EPG5: variants seen among roughly 807,000 people sequenced by gnomAD.
EPG5 encodes ectopic P granules protein 5 homolog.
Under a neutral mutation model 302.7 loss-of-function variants are expected in EPG5, and 159 were observed. The observed-to-expected ratio is 0.53, with a 90% CI of 0.46 to 0.60. EPG5 has a LOEUF of 0.60. Ranked by LOEUF, EPG5 falls within the 20% of genes least tolerant of loss-of-function variation. EPG5 has a pLI of 0.00. For missense variants in EPG5, 2,896 were observed against 3,092.4 expected (o/e 0.94, Z 1.51); for synonymous variants, 1,158 against 1,136.8 (o/e 1.02, Z -0.37).
At chr18:45,884,071 T>A (rs1182767637) in intron 30 of EPG5, among the ~76,000 whole-genome samples, 2 of 152,106 alleles carry the variant, frequency 1.3e-5, no homozygotes, top group Admixed American at 1.3e-4. Context: ...TAAAAAAGGA[T>A]GTACTAAACT....
intron 12 of EPG5, among the ~76,000 whole-genome samples, chr18:45,929,637 C>A (rs966335251): frequency 6.6e-6 from 1 of 152,190 alleles, no homozygotes; most frequent in African/African-American, 2.4e-5. Flanking sequence ...TTTATTGTGA[C>A]TCCTGGTCAA....
rs1208138645 is a variant in EPG5 at position 45,943,989 on chromosome 18, A to C, written c.1792+16T>G. Reference sequence around the variant, plus strand: ...TTGCCACTACCACATTTTACACTTAAGAGAAATGAGTCTACCTTTTGCTTT... The same window carrying C: ...TTGCCACTACCACATTTTACACTTACGAGAAATGAGTCTACCTTTTGCTTT... On this transcript the variant is annotated intron_variant, in intron 8 of 43. Transcript: ENST00000282041. 6.6e-7 allele frequency: 1 copy of C among 1,519,730 alleles called. No homozygotes were observed. Among genetic ancestry groups the C allele is most frequent in the Non-Finnish European group, 9.1e-7 (1 of 1,094,072 alleles). 94.1% of individuals were successfully genotyped at this position (1,519,730 alleles called of 1,614,324 possible). A position where few individuals can be genotyped will look rare whatever the true frequency, so the allele number is the denominator to read the frequency against.
At chr18:45,959,892 T>C (rs891774430) in intron 1 of EPG5, among the ~76,000 whole-genome samples, 1 of 152,102 alleles carries the variant, frequency 6.6e-6, no homozygotes, top group Non-Finnish European at 1.5e-5. Flanking sequence ...AGCAAGAGAA[T>C]CACTTGAATC....
At chr18:45,906,936 G>A (rs1269882269) in intron 24 of EPG5, among the ~76,000 whole-genome samples, 1 of 152,220 alleles carries the variant, frequency 6.6e-6, no homozygotes, top group Non-Finnish European at 1.5e-5. Context: ...GATTACAGGC[G>A]TGGGCCATGC....
At chr18:45,883,369 G>A (rs2049142321) in intron 30 of EPG5, among the ~76,000 whole-genome samples, 1 of 151,668 alleles carries the variant, frequency 6.6e-6, no homozygotes, top group African/African-American at 2.4e-5. Flanking sequence ...TCAGACTGTT[G>A]ATATTCCCTT....
intron 35 of EPG5, among the ~76,000 whole-genome samples, chr18:45,873,794 G>A (rs1294132826): frequency 1.3e-5 from 2 of 152,060 alleles, no homozygotes; most frequent in Non-Finnish European, 2.9e-5. Flanking sequence ...CCTCTTCAAG[G>A]TAAGATAAGA....
At chr18:45,820,807 T>C in the EPG5 span, among the ~76,000 whole-genome samples, 2 of 152,226 alleles carry the variant, frequency 1.3e-5, no homozygotes, top group African/African-American at 4.8e-5. Context: ...GTGCAGGTTA[T>C]ATACCACATG....
chr18:45,964,872 GAAGCCA>G (rs1395049212), intron 1 of EPG5, among the ~76,000 whole-genome samples: 1 of 152,170 alleles, frequency 6.6e-6, no homozygotes. Context: ...AGAATTGCTT[GAAGCCA>G]GGTGGCAGAC....
the EPG5 span, among the ~76,000 whole-genome samples, chr18:45,833,056 C>T: frequency 6.6e-6 from 1 of 152,120 alleles, no homozygotes; most frequent in Non-Finnish European, 1.5e-5. Context: ...CAAAGCCCAC[C>T]CAGGGAGGGA....
the EPG5 span, among the ~76,000 whole-genome samples, chr18:45,830,951 G>A: frequency 1.3e-5 from 2 of 152,036 alleles, no homozygotes; most frequent in African/African-American, 2.4e-5. Flanking sequence ...TTTTATCCAA[G>A]TATCATTTTC....
intron 1 of EPG5, among the ~76,000 whole-genome samples, chr18:45,965,463 G>GA (rs1038769823): frequency 1.0e-4 from 15 of 150,630 alleles, no homozygotes; most frequent in East Asian, 3.9e-4. Flanking sequence ...AAGTTGGAAA[G>GA]AAAAAAAAAG....
intron 11 of EPG5, among the ~76,000 whole-genome samples, chr18:45,932,892 G>C (rs1266950309): frequency 2.0e-5 from 3 of 152,140 alleles, no homozygotes; most frequent in Non-Finnish European, 2.9e-5. Flanking sequence ...GGCAAGGCTG[G>C]TACTGCCACT....
chr18:45,907,000 G>C (rs756884444), intron 24 of EPG5, among the ~76,000 whole-genome samples: 1 of 152,166 alleles, frequency 6.6e-6, no homozygotes, highest in African/African-American at 2.4e-5. Context: ...TTAGTCTCCT[G>C]TTGGCCAATA....
the EPG5 span, chr18:45,825,666 A>C: frequency 4.5e-6 from 7 of 1,548,368 alleles, no homozygotes; most frequent in Non-Finnish European, 6.2e-6. Context: ...CACGCCTGGG[A>C]GGGCCCTCAC....
chr18:45,802,500 A>G, the EPG5 span, among the ~76,000 whole-genome samples: 1 of 152,152 alleles, frequency 6.6e-6, no homozygotes, highest in Non-Finnish European at 1.5e-5. Flanking sequence ...AGCCTGGGCG[A>G]CAGAGCAAGA....
At chr18:45,943,748 C>T (rs1339683721) in intron 8 of EPG5, among the ~76,000 whole-genome samples, 4 of 152,156 alleles carry the variant, frequency 2.6e-5, no homozygotes, top group Admixed American at 1.3e-4. Flanking sequence ...GGTGAAACCC[C>T]GTCTCTACTA....
the EPG5 span, among the ~76,000 whole-genome samples, chr18:45,821,865 G>A: frequency 1.3e-5 from 2 of 152,214 alleles, no homozygotes; most frequent in South Asian, 2.1e-4. Flanking sequence ...AATGCTTGAC[G>A]TCACTAATCA....
intron 12 of EPG5, among the ~76,000 whole-genome samples, chr18:45,929,274 G>C (rs558324323): frequency 2.6e-5 from 4 of 152,024 alleles, no homozygotes; most frequent in Non-Finnish European, 5.9e-5. Flanking sequence ...AAAGTCTGTC[G>C]GTAACAATAA....
chr18:45,845,344 G>A (rs2048355039), downstream of EPG5, among the ~76,000 whole-genome samples: 1 of 152,200 alleles, frequency 6.6e-6, no homozygotes, highest in Non-Finnish European at 1.5e-5. Context: ...CGGCCAGCTG[G>A]CACCCCCTTT....
Sources: gnomAD v4.1 joint callset for allele counts (sites outside exome capture counted in the v4.1 genomes callset) on GRCh38, gnomAD v4.1.1 for gene constraint, MANE v1.5 for transcripts, NCBI Gene and HGNC (gene_info 2026-07-23, HGNC 2026-07-21) for gene names.